PGK1: variants seen among roughly 807,000 people sequenced by gnomAD.
PGK1 encodes the protein PRP 2.
A neutral mutation model predicts 26.9 loss-of-function variants in PGK1; 3 were observed. That is an observed-to-expected ratio of 0.11 (90% confidence interval 0.05 to 0.29). The LOEUF is 0.29. Ranked by LOEUF, PGK1 falls within the 10% of genes least tolerant of loss-of-function variation. PGK1 has a pLI of 1.00. For synonymous variants in PGK1, 125 were observed against 115.3 expected, an observed-to-expected ratio of 1.08 and a Z score of -0.54; for missense variants, 270 against 314.7, an observed-to-expected ratio of 0.86 and a Z score of 1.07.
rs1233948507 is a variant in PGK1 at position 78,104,379 on chromosome X, C to T, written c.39C>T (p.Asp13=). The part of the protein sequence containing the change: ...LSNKLTLDKL[D]VKGKRVVMRV... ...ACAAGCTGACGCTGGACAAGCTGGA[C>T]GTTAAAGGGAAGCGGGTCGTTATGA... Residue 13 remains aspartate (D), a synonymous_variant, in exon 1 of 11, where the codon GAC becomes GAT. Coordinates refer to ENST00000373316, the MANE Select transcript of PGK1 (RefSeq NM_000291.4). 2.5e-6 allele frequency: 3 copies of T among 1,204,306 alleles called. No homozygotes were observed. The highest frequency in any genetic ancestry group is 4.4e-5 in the Admixed American group (2 of 45,958).
At chrX:78,119,252 A>G (rs1165207339) in intron 6 of PGK1, among the ~76,000 whole-genome samples, 4 of 112,118 alleles carry the variant, frequency 3.6e-5, no homozygotes, top group African/African-American at 1.3e-4. Context: ...TTACATACCT[A>G]TTTTATCTTT....
In PGK1 at chrX:78,124,987, G is replaced by A. The variant is rs782762254; in HGVS notation, c.1050G>A (p.Arg350=). The change falls in exon 9 of 11, where the codon CGG becomes CGA. Residue 350 remains arginine (R), a synonymous_variant. Coordinates refer to ENST00000373316, the MANE Select transcript of PGK1 (RefSeq NM_000291.4). ...VGVFEWEAFA[R]GTKALMDEVV... ...TATTTGAATGGGAAGCTTTTGCCCG[G>A]GGAACCAAAGCTCTCATGGATGAGG... The A allele has an allele frequency of 7.4e-6, 9 of 1,208,120 alleles. No individual in the cohort carries two copies. In the Admixed American group the frequency reaches 8.8e-5, roughly 12 times the overall value.
At position 78,113,864 on chromosome X, in the gene PGK1, G is replaced by A. The variant is rs201217519; in HGVS notation, c.237G>A (p.Glu79=). The A allele has an allele frequency of 5.8e-6, 7 of 1,211,594 alleles. No individual in the cohort carries two copies. Among genetic ancestry groups the A allele is most frequent in the Non-Finnish European group, 7.8e-6 (7 of 895,247 alleles). ...GVPMPDKYSL[E]PVAVELKSLL... is the part of the protein sequence containing the mutation. ...CCATGCCTGACAAGTACTCCTTAGA[G>A]CCAGTTGCTGTAGAACTCAAATCTC... Residue 79 remains glutamate (E), a synonymous_variant, in exon 3 of 11, where the codon GAG becomes GAA. Transcript: ENST00000373316.
At chrX:78,118,482 G>A (rs1341919557) in intron 6 of PGK1, among the ~76,000 whole-genome samples, 4 of 110,941 alleles carry the variant, frequency 3.6e-5, no homozygotes, top group African/African-American at 1.3e-4. Flanking sequence ...GAGAGGCTGA[G>A]GTGGGAGGAT....
At position 78,122,409 on chromosome X, in the gene PGK1, T is replaced by TTGTGTGTG. The variant is rs201442984; in HGVS notation, c.642-390_642-383dup. On this transcript the variant is annotated intron_variant, in intron 6 of 10. Transcript: ENST00000373316. Reference sequence around the variant, plus strand: ...AATTAGCAATCTTGATGCTCTGAATTTGTGTGTGTGTGTGTGTGTGTGTGT... The same window carrying TTGTGTGTG: ...AATTAGCAATCTTGATGCTCTGAATTTGTGTGTGTGTGTGTGTGTGTGTGTGTGTGTGT... Among the ~76,000 whole-genome samples, 675 of 88,935 alleles carry TTGTGTGTG rather than the reference T, an allele frequency of 7.6e-3. 12 individuals carry two copies. The highest frequency in any genetic ancestry group is 0.027 in the African/African-American group (618 of 22,732). The allele number at this position is 88,935 out of a possible 115,157, so 77.2% of individuals were successfully genotyped here. A position where few individuals can be genotyped will look rare whatever the true frequency, so the allele number is the denominator to read the frequency against.
chrX:78,107,185 T>C (rs1569550743), intron 1 of PGK1, among the ~76,000 whole-genome samples: 1 of 111,429 alleles, frequency 9.0e-6, no homozygotes, highest in Non-Finnish European at 1.9e-5. Context: ...GTTAGAGAGG[T>C]CTTGTGTTCA....
chrX:78,106,744 G>A (rs782541119), intron 1 of PGK1: 1 of 368,019 alleles, frequency 2.7e-6, no homozygotes, highest in Admixed American at 9.2e-5. Context: ...GGACTCCGCA[G>A]TTGACTTTAC....
In PGK1 at chrX:78,113,936, C is replaced by T. The variant is rs781952507; in HGVS notation, c.272+37C>T. On this transcript the variant is annotated intron_variant, in intron 3 of 10. Coordinates refer to ENST00000373316, the MANE Select transcript of PGK1 (RefSeq NM_000291.4). ...GCTCTGGTGCTGGTAGACTTTGTGG[C>T]GGGGGAAGTTGTCAAGCACGTTGTT... 9.1e-6 allele frequency: 11 copies of T among 1,205,094 alleles called. No homozygotes were observed. In the African/African-American group the frequency reaches 1.2e-4, roughly 13 times the overall value.
chrX:78,108,990 CT>C (rs2078286177), intron 1 of PGK1, among the ~76,000 whole-genome samples: 1 of 112,057 alleles, frequency 8.9e-6, no homozygotes, highest in Non-Finnish European at 1.9e-5. Flanking sequence ...ACTCTTAAAC[CT>C]TAAAAATAGC....
At chrX:78,125,230 C>A in intron 9 of PGK1, 97 bp from the exon 10 acceptor site, 1 of 771,689 alleles carries the variant, frequency 1.3e-6, no homozygotes, top group Non-Finnish European at 2.0e-6. Context: ...TATCAGCTAC[C>A]TTTTGGGTTG....
intron 1 of PGK1, chrX:78,106,319 G>A: frequency 1.7e-6 from 1 of 580,367 alleles, no homozygotes; most frequent in African/African-American, 2.5e-5. Flanking sequence ...CTGAATATTC[G>A]AGACAATGAC....
chrX:78,124,889 C>T lies in PGK1; in HGVS notation c.952C>T (p.Pro318Ser), dbSNP rs782358944. ...TACCCCTCAGGGCTTGGACTGTGGTCCTGAAAGCAGCAAGAAGTATGCTGA... is the reference window on the plus strand; with the variant it reads ...TACCCCTCAGGGCTTGGACTGTGGTTCTGAAAGCAGCAAGAAGTATGCTGA... ...PAGWMGLDCG[P>S]ESSKKYAEAV... The change falls in exon 9 of 11, where the codon CCT (proline) becomes TCT (serine). Residue 318 changes from proline to serine, a missense_variant. Pro to Ser is a moderately conservative substitution (Grantham distance 74, BLOSUM62 -1). Around this residue, in one of 3 missense-constraint regions of PGK1, gnomAD observed 103 missense variants for 114.6 expected, o/e 0.90. Transcript: ENST00000373316. The T allele has an allele frequency of 3.3e-6, 4 of 1,206,552 alleles. No homozygotes were observed. The East Asian group carries it at 8.9e-5, about 27-fold the overall frequency.
At chrX:78,117,166 G>C (rs1557247529) in intron 4 of PGK1, 146 bp from the exon 5 acceptor site, 20 of 498,531 alleles carry the variant, frequency 4.0e-5, no homozygotes, top group Non-Finnish European at 4.0e-5. Flanking sequence ...TTGGAAGAAA[G>C]AACACATCCT....
rs1215374910 is a variant in PGK1, at chrX:78,127,534, C to G, written c.*1704C>G. 8.9e-6 allele frequency: 1 copy of G among 111,872 alleles called. No homozygotes were observed. The highest frequency in any genetic ancestry group is 3.2e-5 in the African/African-American group (1 of 30,773). The allele number at this position is 111,872 out of a possible 1,213,427, so 9.2% of individuals were successfully genotyped here. ...TAAACTTTTGGACAGGACCACAGAG[C>G]TAGTAAGTAACAGCAGGGATTCAAG... On this transcript the variant is annotated 3_prime_UTR_variant, in exon 11 of 11. Transcript: ENST00000373316.
intron 1 of PGK1, 41 bp downstream of exon 1, chrX:78,104,446 C>CG (rs1569550709): frequency 9.7e-7 from 1 of 1,028,411 alleles, no homozygotes; most frequent in Admixed American, 2.2e-5. Flanking sequence ...TGTGCTCTGT[C>CG]GCAAACCTCT....
At chrX:78,107,039 C>G (rs993618531) in intron 1 of PGK1, among the ~76,000 whole-genome samples, 4 of 111,032 alleles carry the variant, frequency 3.6e-5, no homozygotes, top group African/African-American at 1.3e-4. Context: ...GGACATGGTT[C>G]CTTTGAGAGT....
chrX:78,129,254 T>TATCTATCTATCTATC lies in PGK1; in HGVS notation c.*3432_*3433insATCTATCATCTATCT, dbSNP rs1557249107. On this transcript the variant is annotated 3_prime_UTR_variant, in exon 11 of 11. Coordinates refer to ENST00000373316, the MANE Select transcript of PGK1 (RefSeq NM_000291.4). ...CTATCTATCTATCTATCTATCTATC[T>TATCTATCTATCTATC]ATCTATCTGTATATAGATATATTAA... 9.0e-6 allele frequency: 1 copy of TATCTATCTATCTATC among 111,026 alleles called. No homozygotes were observed. The highest frequency in any genetic ancestry group is 3.3e-5 in the African/African-American group (1 of 30,545). 9.1% of individuals were successfully genotyped at this position (111,026 alleles called of 1,213,427 possible). A position where few individuals can be genotyped will look rare whatever the true frequency, so the allele number is the denominator to read the frequency against.
Position 78,109,809 on chromosome X carries a change from T to C in PGK1, c.66-58T>C, listed in dbSNP as rs1173925831. On this transcript the variant is annotated intron_variant, in intron 1 of 10. Transcript: ENST00000373316. ...ATTTAACTGGTTCATTAAAAATGCA[T>C]CTCCTAGTCTTTGATGGAACAGTAA... The C allele has an allele frequency of 3.8e-6, 3 of 781,691 alleles. No homozygotes were observed. In the Admixed American group the frequency reaches 6.7e-5, roughly 17 times the overall value. The allele number at this position is 781,691 out of a possible 1,213,427, so 64.4% of individuals were successfully genotyped here. A position where few individuals can be genotyped will look rare whatever the true frequency, so the allele number is the denominator to read the frequency against.
Position 78,127,658 on chromosome X carries a change from G to C in PGK1, c.*1828G>C, listed in dbSNP as rs2078389094. The C allele has an allele frequency of 8.9e-6, 1 of 111,898 alleles. No homozygotes were observed. The highest frequency in any genetic ancestry group is 1.9e-5 in the Non-Finnish European group (1 of 53,195). The allele number at this position is 111,898 out of a possible 1,213,427, so 9.2% of individuals were successfully genotyped here. A position where few individuals can be genotyped will look rare whatever the true frequency, so the allele number is the denominator to read the frequency against. On this transcript the variant is annotated 3_prime_UTR_variant, in exon 11 of 11. Coordinates refer to ENST00000373316, the MANE Select transcript of PGK1 (RefSeq NM_000291.4). ...ATAGATGCTTCTAGACTCTATCCCT[G>C]ACATGATGCTTCTAGACTATTTTGT...
Sources: allele counts gnomAD v4.1 joint callset (sites outside exome capture counted in the v4.1 genomes callset), GRCh38; gene constraint gnomAD v4.1.1; regional missense constraint gnomAD v4.1.1; transcripts MANE v1.5; gene names NCBI Gene and HGNC (gene_info 2026-07-23, HGNC 2026-07-21).